Variants in NEK9 observed in about 807,000 individuals in gnomAD.
NEK9 encodes serine/threonine-protein kinase Nek9.
A neutral mutation model predicts 123.4 loss-of-function variants in NEK9; 75 were observed. The ratio of observed to expected loss-of-function variants is 0.61; its 90% CI spans 0.50 to 0.74. The LOEUF (loss-of-function observed/expected upper bound fraction) is 0.74. Among genes scored for constraint, NEK9 ranks in the 30% least tolerant of loss-of-function variants. The pLI, the probability that NEK9 is intolerant of heterozygous loss-of-function variation, is 0.00. For synonymous variants in NEK9, 438 were observed against 458.7 expected, an observed-to-expected ratio of 0.95 and a Z score of 0.58; for missense variants, 952 against 1,214.4, an observed-to-expected ratio of 0.78 and a Z score of 3.21.
chr14:75,091,892 A>C (rs1894229943), intron 18 of NEK9, among the ~76,000 whole-genome samples: 2 of 152,178 alleles, frequency 1.3e-5, no homozygotes, highest in African/African-American at 4.8e-5. Flanking sequence ...AAGGTCTTTA[A>C]TATTTGAGCC....
At chr14:75,125,675 T>C (rs919090713) in intron 1 of NEK9, among the ~76,000 whole-genome samples, 3 of 152,218 alleles carry the variant, frequency 2.0e-5, no homozygotes, top group African/African-American at 7.2e-5. Context: ...AACTCTAACA[T>C]CATACATTAA....
At chr14:75,127,061 C>G, upstream of NEK9, 1 of 632,148 alleles carries the variant, frequency 1.6e-6, no homozygotes, top group South Asian at 2.2e-5. Context: ...CTCCTGCCCC[C>G]CGACCCGGAA....
chr14:75,097,019 C>G, intron 17 of NEK9, 81 bp downstream of exon 17: 1 of 1,369,148 alleles, frequency 7.3e-7, no homozygotes, highest in African/African-American at 1.4e-5. Flanking sequence ...TTTCTGTTTC[C>G]AACAATGTGA....
chr14:75,092,352 C>T (rs571245952), intron 18 of NEK9, among the ~76,000 whole-genome samples: 20 of 151,586 alleles, frequency 1.3e-4, no homozygotes, highest in Non-Finnish European at 2.4e-4. Context: ...CTGCAACCTC[C>T]GCCTCCTGGC....
At chr14:75,106,218 G>A in intron 12 of NEK9, 1 of 594,536 alleles carries the variant, frequency 1.7e-6, no homozygotes, top group Admixed American at 3.0e-5. Flanking sequence ...AATTAGCTGG[G>A]TGTGATGGTG....
intron 18 of NEK9, among the ~76,000 whole-genome samples, chr14:75,092,999 A>T (rs1894268852): frequency 6.6e-6 from 1 of 152,200 alleles, no homozygotes; most frequent in African/African-American, 2.4e-5. Flanking sequence ...GCTTTTTAAG[A>T]TTATGCTGCA....
chr14:75,105,949 C>A lies in NEK9; in HGVS notation c.1575+1G>T. On this transcript the variant is annotated splice_donor_variant, in intron 13 of 21. Coordinates refer to ENST00000238616, the MANE Select transcript of NEK9 (RefSeq NM_033116.6). LOFTEE classifies it high-confidence loss of function. ...TAGAAATAAGTTGCTTCTGATTTTA[C>A]CTTTTGTGGTGTATAATAATCCTCT... The A allele has an allele frequency of 6.2e-7, 1 of 1,612,126 alleles. No individual in the cohort carries two copies.
intron 16 of NEK9, among the ~76,000 whole-genome samples, chr14:75,099,768 G>A (rs1894503138): frequency 8.3e-6 from 1 of 120,802 alleles, no homozygotes; most frequent in East Asian, 2.5e-4. Context: ...GGCGACAACA[G>A]TGAGATTGTG....
At position 75,094,359 on chromosome 14, in the gene NEK9, T is replaced by C. The variant is rs551906672; in HGVS notation, c.2233+1013A>G. Among the ~76,000 whole-genome samples the C allele has an allele frequency of 1.4e-4, 21 of 152,340 alleles. 1 individual carries two copies. The highest frequency in any genetic ancestry group is 4.6e-4 in the African/African-American group (19 of 41,588). ...CAGTGGCTATTCATAGGCATGATGA[T>C]AGTGCACTGTAACCTTGAACTCCTG... On this transcript the variant is annotated intron_variant, in intron 18 of 21. Coordinates refer to ENST00000238616, the MANE Select transcript of NEK9 (RefSeq NM_033116.6).
chr14:75,118,894 A>C lies in NEK9; in HGVS notation c.566T>G (p.Leu189Arg). 1 of 1,609,918 alleles carries C rather than the reference A, an allele frequency of 6.2e-7. No homozygotes were observed. Among genetic ancestry groups the C allele is most frequent in the Admixed American group, 1.7e-5 (1 of 60,026 alleles). The part of the protein sequence containing the change: ...TLNIFLTKAN[L>R]IKLGDYGLAK... Reference sequence around the variant, plus strand: ...TAGGCCATAATCTCCAAGTTTTATCAGGTTTGCCTTGGTCAGAAAAATATT... The same window carrying C: ...TAGGCCATAATCTCCAAGTTTTATCCGGTTTGCCTTGGTCAGAAAAATATT... Residue 189 changes from leucine to arginine, a missense_variant, in exon 5 of 22, where the codon CTG (leucine) becomes CGG (arginine). Leu to Arg is a moderately radical substitution (Grantham distance 102, BLOSUM62 -2). Transcript: ENST00000238616.
At chr14:75,116,619 A>C (rs142653892) in intron 6 of NEK9, 25 of 193,476 alleles carry the variant, frequency 1.3e-4, no homozygotes, top group Non-Finnish European at 2.4e-4. Context: ...TGAACTTTTA[A>C]ATTTAATTTA....
Position 75,110,288 on chromosome 14 carries a change from T to C in NEK9, c.989+33A>G, listed in dbSNP as rs1191682935. 5.2e-6 allele frequency: 8 copies of C among 1,540,582 alleles called. No individual in the cohort carries two copies. In the Admixed American group the frequency reaches 1.2e-4, roughly 23 times the overall value. On this transcript the variant is annotated intron_variant, in intron 9 of 21. Transcript: ENST00000238616. ...AGAACCCCCTGGTTGTAATTTCGGA[T>C]ATATTAGTTTTTAAGAGTCTCTTGA... is the stretch of plus-strand genomic sequence containing the variant.
At chr14:75,122,048 A>G (rs1895355556) in intron 2 of NEK9, among the ~76,000 whole-genome samples, 1 of 152,136 alleles carries the variant, frequency 6.6e-6, no homozygotes, top group Non-Finnish European at 1.5e-5. Flanking sequence ...GTGTGAATTT[A>G]CTTCTCTCTT....
Position 75,087,076 on chromosome 14 carries a change from T to C in NEK9, c.2759A>G (p.Asn920Ser). Residue 920 changes from asparagine to serine, a missense_variant, in exon 21 of 22, where the codon AAC becomes AGC. Physicochemically the swap from Asn to Ser is conservative, Grantham distance 46. This residue lies in a region of NEK9 where 698 missense variants were observed against 875.6 expected (regional missense o/e 0.80). Transcript: ENST00000238616. ...CTGCAGTTGGGTAAAAATCTGGAGG[T>C]TTTCTTGCTGTAGCTTCTGTTGTTC... ...LAEQQKLQQE[N>S]LQIFTQLQKL... 1 of 1,614,024 alleles carries C rather than the reference T, an allele frequency of 6.2e-7. No individual in the cohort carries two copies. Among genetic ancestry groups the C allele is most frequent in the Non-Finnish European group, 8.5e-7 (1 of 1,180,012 alleles).
chr14:75,104,120 T>C (rs1409550144), intron 13 of NEK9, 123 bp from the exon 14 acceptor site: 1 of 959,724 alleles, frequency 1.0e-6, no homozygotes, highest in African/African-American at 1.7e-5. Flanking sequence ...AAGTGAGGAC[T>C]GCTCTATTCT....
chr14:75,107,871 C>T (rs929598816), intron 10 of NEK9, among the ~76,000 whole-genome samples: 4 of 152,112 alleles, frequency 2.6e-5, no homozygotes, highest in African/African-American at 4.8e-5. Context: ...AGATTAATAT[C>T]CATTAATCTA....
intron 1 of NEK9, among the ~76,000 whole-genome samples, chr14:75,125,264 C>T (rs953353738): frequency 4.3e-4 from 66 of 152,170 alleles, no homozygotes; most frequent in Non-Finnish European, 8.7e-4. Context: ...CTTTTCATAT[C>T]TCTACATATG....
intron 4 of NEK9, among the ~76,000 whole-genome samples, chr14:75,119,797 G>T (rs1895264016): frequency 6.6e-6 from 1 of 152,174 alleles, no homozygotes; most frequent in South Asian, 2.1e-4. Context: ...AAATAACTGT[G>T]CCTGGTTCAC....
In NEK9 at chr14:75,091,493, G is replaced by C; in HGVS notation, c.2234-15C>G. The stretch of plus-strand genomic sequence containing the variant: ...GCTCTGAAACACTGACAGATATACA[G>C]CACAGAAATAGACAGCTTTGCTATG... On this transcript the variant is annotated splice_polypyrimidine_tract_variant and intron_variant, in intron 18 of 21. Coordinates refer to ENST00000238616, the MANE Select transcript of NEK9 (RefSeq NM_033116.6). 1 of 1,545,008 alleles carries C rather than the reference G, an allele frequency of 6.5e-7. No homozygotes were observed.
Sources: allele counts gnomAD v4.1 joint callset (sites outside exome capture counted in the v4.1 genomes callset), GRCh38; gene constraint gnomAD v4.1.1; regional missense constraint gnomAD v4.1.1; transcripts MANE v1.5; gene names NCBI Gene and HGNC (gene_info 2026-07-23, HGNC 2026-07-21).